Variants in SYT14 observed in about 807,000 individuals in gnomAD.
SYT14 encodes the protein synaptotagmin-14.
Under a neutral mutation model 74.2 loss-of-function variants are expected in SYT14, and 32 were observed. That is an observed-to-expected ratio of 0.43 (90% CI 0.33 to 0.58). The LOEUF is 0.58. Among genes scored for constraint, SYT14 ranks in the 20% least tolerant of loss-of-function variants. SYT14 has a pLI of 0.05. For missense variants in SYT14, 791 were observed against 981.8 expected (o/e 0.81, Z 2.60); for synonymous variants, 298 against 337.7 (o/e 0.88, Z 1.29).
intron 2 of SYT14, among the ~76,000 whole-genome samples, chr1:209,971,436 G>GAGAGTAGAC (rs1453671248): frequency 6.6e-6 from 1 of 152,282 alleles, no homozygotes; most frequent in African/African-American, 2.4e-5. Context: ...TAAGAGTGGT[G>GAGAGTAGAC]AGAGTAGACA....
rs2079652051 is a variant in SYT14 at position 209,990,549 on chromosome 1, G to GTATATATACGTATATATACGTA, written c.-485-23076_-485-23075insCGTATATATACGTATATATATA. Among the ~76,000 whole-genome samples, 107 of 56,864 alleles carry GTATATATACGTATATATACGTA rather than the reference G, an allele frequency of 1.9e-3. 11 individuals carry two copies. The Admixed American group carries it at 0.023, about 12-fold the overall frequency. 37.3% of individuals were successfully genotyped at this position (56,864 alleles called of 152,430 possible). ...CATATATATATATACGTATATATAT[G>GTATATATACGTATATATACGTA]TATATATATACGTATATATATGTAT... On this transcript the variant is annotated intron_variant, in intron 2 of 9. Coordinates refer to ENST00000637265, the Ensembl canonical transcript of SYT14.
At chr1:210,037,152 A>G (rs369023579) in intron 5 of SYT14, among the ~76,000 whole-genome samples, 103 of 152,022 alleles carry the variant, frequency 6.8e-4, no homozygotes, top group African/African-American at 2.1e-3. Context: ...TCCTGGTTCA[A>G]TCTTGGGAGA....
chr1:209,983,344 T>G (rs1028514272), intron 2 of SYT14, among the ~76,000 whole-genome samples: 3 of 152,188 alleles, frequency 2.0e-5, no homozygotes, highest in African/African-American at 4.8e-5. Context: ...ATACATGTGT[T>G]GGTATGTTTG....
chr1:210,077,843 TACTGTGTTAAGTGCTATGGAA>T (rs2081534815), intron 5 of SYT14, among the ~76,000 whole-genome samples: 1 of 152,174 alleles, frequency 6.6e-6, no homozygotes, highest in Non-Finnish European at 1.5e-5. Flanking sequence ...AAGAATTAAA[TACTGTGTTAAGTGCTATGGAA>T]ACTAGATGCA....
chr1:210,140,422 AGATAAGTGATTT>A (rs2082890526), intron 7 of SYT14, among the ~76,000 whole-genome samples: 1 of 149,136 alleles, frequency 6.7e-6, no homozygotes, highest in African/African-American at 2.6e-5. Context: ...GTCCCTTATA[AGATAAGTGATTT>A]GATAATATTT....
intron 7 of SYT14, among the ~76,000 whole-genome samples, chr1:210,129,650 G>T (rs2082635377): frequency 6.6e-6 from 1 of 152,166 alleles, no homozygotes. Context: ...TAATATACAT[G>T]AAATCCTATT....
chr1:210,008,152 C>A (rs751846211), intron 2 of SYT14, among the ~76,000 whole-genome samples: 17 of 151,890 alleles, frequency 1.1e-4, no homozygotes, highest in African/African-American at 3.9e-4. Context: ...TAAAACAGTC[C>A]CTGTTAAATA....
At chr1:209,984,351 G>T (rs1006145984) in intron 2 of SYT14, among the ~76,000 whole-genome samples, 1 of 152,092 alleles carries the variant, frequency 6.6e-6, no homozygotes, top group African/African-American at 2.4e-5. Flanking sequence ...CACATCCCTC[G>T]TTGCTCTAAT....
chr1:210,110,132 G>A (rs528201884), intron 7 of SYT14, among the ~76,000 whole-genome samples: 1 of 152,276 alleles, frequency 6.6e-6, no homozygotes, highest in South Asian at 2.1e-4. Context: ...TTGAGGGTTA[G>A]GGGAGGGATA....
chr1:209,959,848 G>A (rs951381190), intron 2 of SYT14, among the ~76,000 whole-genome samples: 1 of 152,076 alleles, frequency 6.6e-6, no homozygotes, highest in African/African-American at 2.4e-5. Flanking sequence ...ATTAGATAGT[G>A]GTTGCACAAC....
At chr1:209,947,424 C>T (rs2078840115) in intron 1 of SYT14, among the ~76,000 whole-genome samples, 1 of 152,144 alleles carries the variant, frequency 6.6e-6, no homozygotes, top group African/African-American at 2.4e-5. Context: ...GAAGTTGATT[C>T]CAACTATCAT....
intron 1 of SYT14, among the ~76,000 whole-genome samples, chr1:209,942,958 A>G (rs951916104): frequency 9.9e-5 from 15 of 152,222 alleles, no homozygotes; most frequent in African/African-American, 3.6e-4. Context: ...TCTATTAATA[A>G]TGTACCTTAT....
chr1:210,126,196 C>T (rs12030382), intron 7 of SYT14, among the ~76,000 whole-genome samples: 3 of 151,446 alleles, frequency 2.0e-5, no homozygotes, highest in East Asian at 1.9e-4. Context: ...AGTGAGACTC[C>T]GTCTCAAGAA....
chr1:209,973,164 C>T (rs1481004438), intron 2 of SYT14, among the ~76,000 whole-genome samples: 9 of 151,548 alleles, frequency 5.9e-5, no homozygotes, highest in Admixed American at 4.6e-4. Context: ...ATAGCGACTC[C>T]AGCTCTTTTT....
intron 8 of SYT14, among the ~76,000 whole-genome samples, chr1:210,158,563 G>T (rs1558229676): frequency 6.6e-6 from 1 of 152,142 alleles, no homozygotes; most frequent in Admixed American, 6.5e-5. Context: ...GAGCAACAAG[G>T]ATCACAACTA....
intron 7 of SYT14, among the ~76,000 whole-genome samples, chr1:210,143,047 A>G (rs2082952207): frequency 6.6e-6 from 1 of 152,182 alleles, no homozygotes; most frequent in Non-Finnish European, 1.5e-5. Context: ...TGATTTGTCA[A>G]GTACTTTTTG....
intron 2 of SYT14, among the ~76,000 whole-genome samples, chr1:209,958,091 T>C (rs1425803991): frequency 6.6e-6 from 1 of 152,154 alleles, no homozygotes; most frequent in African/African-American, 2.4e-5. Context: ...GAAATTGATT[T>C]TTTATATGGT....
chr1:210,165,588 A>G (rs951835815), exon 10 of SYT14: 4 of 152,148 alleles, frequency 2.6e-5, no homozygotes, highest in Non-Finnish European at 5.9e-5. Context: ...TATCTCACTC[A>G]TATCAGTGGT....
intron 5 of SYT14, among the ~76,000 whole-genome samples, chr1:210,082,371 G>T (rs1004639081): frequency 6.6e-6 from 1 of 152,084 alleles, no homozygotes; most frequent in Non-Finnish European, 1.5e-5. Flanking sequence ...AGACTACTAG[G>T]AATTCTATCC....
Sources: allele counts gnomAD v4.1 joint callset (sites outside exome capture counted in the v4.1 genomes callset), GRCh38; gene constraint gnomAD v4.1.1; transcripts MANE v1.5; gene names NCBI Gene and HGNC (gene_info 2026-07-23, HGNC 2026-07-21).